FAM120A: variants seen among roughly 807,000 people sequenced by gnomAD.
The protein encoded by FAM120A is family with sequence similarity 120 member A, also known as constitutive coactivator of PPAR-gamma-like protein 1.
FAM120A carries 15 observed loss-of-function variants against 109.7 expected under a neutral mutation model. The ratio of observed to expected loss-of-function variants is 0.14; its 90% CI spans 0.09 to 0.21. FAM120A has a LOEUF of 0.21. Among genes scored for constraint, FAM120A ranks in the 10% least tolerant of loss-of-function variants. The probability of loss-of-function intolerance (pLI) is 1.00; values close to 1 mark genes in which losing one functional copy is unlikely to be tolerated. For synonymous variants in FAM120A, 493 were observed against 572.8 expected (o/e 0.86, Z 1.99); for missense variants, 899 against 1,439.3 (o/e 0.62, Z 6.07).
chr9:93,477,991 GTGTTT>G (rs879602126), intron 3 of FAM120A, among the ~76,000 whole-genome samples: 2 of 152,274 alleles, frequency 1.3e-5, no homozygotes, highest in Admixed American at 6.5e-5. Context: ...GTATATGTCT[GTGTTT>G]TGTTTTGTTT....
chr9:93,544,267 A>T (rs1449455355), intron 11 of FAM120A, among the ~76,000 whole-genome samples: 1 of 152,196 alleles, frequency 6.6e-6, no homozygotes, highest in Non-Finnish European at 1.5e-5. Context: ...GCCCTACAAG[A>T]TGCTTCAGGC....
intron 5 of FAM120A, among the ~76,000 whole-genome samples, chr9:93,501,286 G>A (rs926991494): frequency 2.0e-5 from 3 of 152,148 alleles, no homozygotes; most frequent in African/African-American, 7.2e-5. Context: ...CTTAATATTT[G>A]GCATTGATCT....
chr9:93,546,605 A>G (rs1861901205), intron 11 of FAM120A, among the ~76,000 whole-genome samples: 1 of 151,502 alleles, frequency 6.6e-6, no homozygotes. Context: ...CTCCCAGCCC[A>G]CTCTTTTGTT....
chr9:93,492,332 T>C (rs575815412), intron 3 of FAM120A, among the ~76,000 whole-genome samples: 1 of 152,224 alleles, frequency 6.6e-6, no homozygotes, highest in Admixed American at 6.5e-5. Context: ...TTCCCTGTTA[T>C]TTTTAAATAA....
chr9:93,496,080 G>A (rs1859563389), intron 3 of FAM120A, among the ~76,000 whole-genome samples: 1 of 152,188 alleles, frequency 6.6e-6, no homozygotes, highest in Admixed American at 6.5e-5. Context: ...TGAGATTTCA[G>A]CAATTTGGTT....
intron 8 of FAM120A, among the ~76,000 whole-genome samples, chr9:93,528,450 A>G (rs1015858279): frequency 3.3e-5 from 5 of 152,242 alleles, no homozygotes; most frequent in Non-Finnish European, 7.3e-5. Context: ...ACAAATAATC[A>G]TTGCTCTTAG....
chr9:93,453,565 T>C (rs1212568430), intron 1 of FAM120A: 9 of 985,176 alleles, frequency 9.1e-6, no homozygotes, highest in South Asian at 4.7e-5. Flanking sequence ...CGCGAGGAGA[T>C]GGTGGTAGTT....
At chr9:93,519,994 G>A (rs1344393985) in intron 7 of FAM120A, among the ~76,000 whole-genome samples, 3 of 151,980 alleles carry the variant, frequency 2.0e-5, no homozygotes, top group Admixed American at 1.3e-4. Flanking sequence ...TCACACCTTA[G>A]CATGTTCCAC....
rs191612399 is a variant in FAM120A at position 93,497,348 on chromosome 9, A to G, written c.805-123A>G. Reference sequence around the variant, plus strand: ...AGGGCCAAGATCTTACAAGTGGACAATCATTGGGCACTGATAAGATCTTAG... The same window carrying G: ...AGGGCCAAGATCTTACAAGTGGACAGTCATTGGGCACTGATAAGATCTTAG... On this transcript the variant is annotated intron_variant, in intron 3 of 17. Coordinates refer to ENST00000277165, the MANE Select transcript of FAM120A (RefSeq NM_014612.5). 2.1e-5 allele frequency: 26 copies of G among 1,246,448 alleles called. No homozygotes were observed. The East Asian group carries it at 6.0e-4, about 29-fold the overall frequency. 77.2% of individuals were successfully genotyped at this position (1,246,448 alleles called of 1,614,324 possible).
Position 93,452,728 on chromosome 9 carries a change from G to T in FAM120A, c.474+339G>T. 1 of 1,598,158 alleles carries T rather than the reference G, an allele frequency of 6.3e-7. No individual in the cohort carries two copies. Among genetic ancestry groups the T allele is most frequent in the Non-Finnish European group, 8.5e-7 (1 of 1,179,778 alleles). On this transcript the variant is annotated intron_variant, in intron 1 of 17. Coordinates refer to ENST00000277165, the MANE Select transcript of FAM120A (RefSeq NM_014612.5). This position sits in a 1 kb window ranked among gnomAD's most constrained non-coding sequence, Gnocchi z 7.0. ...TTCCCATCCTATTTGAGGCGGGCAG[G>T]CTATCACTCACCTTCAACTTTGACA...
chr9:93,479,213 C>T (rs1858690962), intron 3 of FAM120A, among the ~76,000 whole-genome samples: 1 of 150,056 alleles, frequency 6.7e-6, no homozygotes, highest in Non-Finnish European at 1.5e-5. Context: ...ATTCTCCTGC[C>T]TCAGCCTCCC....
chr9:93,497,444 T>G, intron 3 of FAM120A, 27 bp from the exon 4 acceptor site: 1 of 1,610,548 alleles, frequency 6.2e-7, no homozygotes, highest in Non-Finnish European at 8.5e-7. Flanking sequence ...CACCATCCAC[T>G]GTTGACACTT....
At chr9:93,558,218 G>A (rs746635871) in intron 14 of FAM120A, among the ~76,000 whole-genome samples, 54 of 152,368 alleles carry the variant, frequency 3.5e-4, no homozygotes, top group Non-Finnish European at 4.7e-4. Flanking sequence ...TGCAAAAGCT[G>A]CACCGTAAAA....
intron 1 of FAM120A, among the ~76,000 whole-genome samples, chr9:93,458,013 T>C (rs1857626677): frequency 6.6e-6 from 1 of 152,072 alleles, no homozygotes; most frequent in Admixed American, 6.5e-5. Context: ...TTGAGGTGAG[T>C]GCTAACCCAC....
chr9:93,539,297 G>A (rs1021076900), intron 10 of FAM120A, among the ~76,000 whole-genome samples: 1 of 152,118 alleles, frequency 6.6e-6, no homozygotes, highest in Non-Finnish European at 1.5e-5. Context: ...GCGCCTGGCC[G>A]CCCTAGAGTT....
intron 12 of FAM120A, among the ~76,000 whole-genome samples, chr9:93,553,723 A>G (rs1023020826): frequency 2.6e-5 from 4 of 152,212 alleles, no homozygotes; most frequent in African/African-American, 9.6e-5. Context: ...TCTCCCAATT[A>G]CCAGCTCTGT....
intron 10 of FAM120A, among the ~76,000 whole-genome samples, chr9:93,533,322 T>C (rs575878515): frequency 6.6e-6 from 1 of 152,350 alleles, no homozygotes; most frequent in African/African-American, 2.4e-5. Flanking sequence ...TTGCAATTAC[T>C]ATGACAAACT....
intron 9 of FAM120A, chr9:93,530,123 A>C (rs1861270984): frequency 6.1e-6 from 1 of 164,298 alleles, no homozygotes; most frequent in Admixed American, 5.8e-5. Context: ...CAGAAAATGA[A>C]ACTATCATTT....
At chr9:93,470,367 G>A (rs1179060781) in intron 1 of FAM120A, among the ~76,000 whole-genome samples, 5 of 152,172 alleles carry the variant, frequency 3.3e-5, no homozygotes, top group Admixed American at 6.5e-5. Flanking sequence ...AGAGCCCAGA[G>A]GACTTTGACT....
Sources: allele counts gnomAD v4.1 joint callset (sites outside exome capture counted in the v4.1 genomes callset), GRCh38; gene constraint gnomAD v4.1.1; non-coding constraint Gnocchi (gnomAD v3.1); transcripts MANE v1.5; gene names NCBI Gene and HGNC (gene_info 2026-07-23, HGNC 2026-07-21).